Variants in PARP1 observed in about 807,000 individuals in gnomAD.
PARP1 encodes poly [ADP-ribose] polymerase 1.
Under a neutral mutation model 118.7 loss-of-function variants are expected in PARP1, and 44 were observed. The observed-to-expected ratio is 0.37, with a 90% confidence interval of 0.29 to 0.48. PARP1 has a LOEUF of 0.48. PARP1 is among the 20% of genes least tolerant of loss of function. The pLI is 0.99. For synonymous variants in PARP1, 492 were observed against 483.2 expected (o/e 1.02, Z -0.24); for missense variants, 1,100 against 1,272.4 (o/e 0.86, Z 2.06).
At chr1:226,390,301 G>T in intron 4 of PARP1, 109 bp downstream of exon 4, 2 of 956,404 alleles carry the variant, frequency 2.1e-6, no homozygotes, top group Non-Finnish European at 1.7e-6. Context: ...CTGGCTTACT[G>T]ACAGTCAGCG....
intron 3 of PARP1, among the ~76,000 whole-genome samples, chr1:226,391,236 G>T (rs1390804163): frequency 6.6e-6 from 1 of 151,924 alleles, no homozygotes; most frequent in African/African-American, 2.4e-5. Context: ...ACCGTGCCCA[G>T]CCCCCAATGC....
intron 15 of PARP1, among the ~76,000 whole-genome samples, chr1:226,368,852 T>G (rs1411134906): frequency 6.6e-6 from 1 of 152,212 alleles, no homozygotes; most frequent in African/African-American, 2.4e-5. Flanking sequence ...TCACTGCCAG[T>G]GTCACTTGGT....
At chr1:226,401,654 C>T (rs1665039628) in intron 2 of PARP1, among the ~76,000 whole-genome samples, 2 of 152,188 alleles carry the variant, frequency 1.3e-5, no homozygotes, top group East Asian at 3.8e-4. Flanking sequence ...TACCTCATTC[C>T]CCTCTCAGAG....
chr1:226,394,880 C>T (rs909523129), intron 2 of PARP1, among the ~76,000 whole-genome samples: 3 of 152,188 alleles, frequency 2.0e-5, no homozygotes, highest in African/African-American at 7.2e-5. Flanking sequence ...TGAACTTCCT[C>T]ACCTGTAAAA....
chr1:226,401,470 G>C lies in PARP1; in HGVS notation c.286+744C>G, dbSNP rs1208705385. Among the ~76,000 whole-genome samples the C allele has an allele frequency of 4.6e-5, 7 of 152,236 alleles. No homozygotes were observed. The East Asian group carries it at 1.3e-3, about 29-fold the overall frequency. Reference sequence around the variant, plus strand: ...TGCAGACATGTTAAGAAACGGGGTGGTAACTTTTAGGTCATCAGATTGTTG... The same window carrying C: ...TGCAGACATGTTAAGAAACGGGGTGCTAACTTTTAGGTCATCAGATTGTTG... On this transcript the variant is annotated intron_variant, in intron 2 of 22. Coordinates refer to ENST00000366794, the MANE Select transcript of PARP1 (RefSeq NM_001618.4).
rs769689858 is a variant in PARP1 at position 226,386,328 on chromosome 1, C to A, written c.832G>T (p.Ala278Ser). The stretch of plus-strand genomic sequence containing the variant: ...CACTTAACACAAAGGCAGCTCACCG[C>A]CGACTCCCCAGAAGGCACTTGCTGC... ...NKQQVPSGES[A>S]ILDRVADGMV... The change falls in exon 6 of 23, where the codon GCG becomes TCG. Residue 278 changes from alanine to serine, a missense_variant and splice_region_variant. By Grantham distance (99) the Ala-to-Ser change is moderately conservative. Transcript: ENST00000366794. 3.1e-6 allele frequency: 5 copies of A among 1,598,296 alleles called. No homozygotes were observed. The highest frequency in any genetic ancestry group is 1.7e-4 in the Middle Eastern group (1 of 6,018).
In PARP1 at chr1:226,374,146, C is replaced by T. The variant is rs554003556; in HGVS notation, c.2070+80G>A. On this transcript the variant is annotated intron_variant, in intron 14 of 22. Coordinates refer to ENST00000366794, the MANE Select transcript of PARP1 (RefSeq NM_001618.4). ...ATTGTTTTTGAAACAGAAACAAGAA[C>T]AGGCAGACAGCTCTTCACTAGCTCA... The T allele has an allele frequency of 2.0e-6, 3 of 1,512,902 alleles. No individual in the cohort carries two copies. In the East Asian group the frequency reaches 6.8e-5, roughly 34 times the overall value. The allele number at this position is 1,512,902 out of a possible 1,614,324, so 93.7% of individuals were successfully genotyped here. A position where few individuals can be genotyped will look rare whatever the true frequency, so the allele number is the denominator to read the frequency against.
intron 2 of PARP1, among the ~76,000 whole-genome samples, chr1:226,398,939 T>A (rs1327796988): frequency 3.3e-5 from 5 of 152,136 alleles, no homozygotes; most frequent in African/African-American, 1.2e-4. Context: ...TTGTTCATAA[T>A]CACCAAAACT....
intron 1 of PARP1, among the ~76,000 whole-genome samples, chr1:226,405,266 T>C (rs1392197258): frequency 6.6e-6 from 1 of 152,160 alleles, no homozygotes; most frequent in Admixed American, 6.5e-5. Context: ...CTATCAAGTA[T>C]ACCAAAGGAA....
Position 226,365,148 on chromosome 1 carries a change from T to C in PARP1, c.2512A>G (p.Lys838Glu). Residue 838 changes from lysine (K) to glutamate (E), a missense_variant, in exon 19 of 23, where the codon AAG becomes GAG. Physicochemically the swap from Lys to Glu is moderately conservative, Grantham distance 56. Around this residue, in one of 2 missense-constraint regions of PARP1, gnomAD observed 152 missense variants for 240.6 expected, o/e 0.63. Coordinates refer to ENST00000366794, the MANE Select transcript of PARP1 (RefSeq NM_001618.4). ...TGGCATTCGCCTTCACGCTCTATCT[T>C]AAAGATCTGGTTGGAGTAGTAAACA... is the stretch of plus-strand genomic sequence containing the variant. ...AYDLEVIDIF[K>E]IEREGECQRY... The C allele has an allele frequency of 1.2e-6, 2 of 1,614,170 alleles. No homozygotes were observed. The highest frequency in any genetic ancestry group is 1.7e-6 in the Non-Finnish European group (2 of 1,180,032).
rs562220449 is a variant in PARP1, at chr1:226,379,459, A to G, written c.1612+114T>C. 5.3e-6 allele frequency: 6 copies of G among 1,137,110 alleles called. No homozygotes were observed. In the South Asian group the frequency reaches 7.5e-5, roughly 14 times the overall value. The allele number at this position is 1,137,110 out of a possible 1,614,324, so 70.4% of individuals were successfully genotyped here. ...TGGTGAAGGAGGCCTGAGTGAGGAC[A>G]AAGGCACGACCACACTGCCCCAGGT... On this transcript the variant is annotated intron_variant, in intron 11 of 22. Coordinates refer to ENST00000366794, the MANE Select transcript of PARP1 (RefSeq NM_001618.4).
intron 12 of PARP1, among the ~76,000 whole-genome samples, chr1:226,378,269 T>C (rs568513958): frequency 3.0e-4 from 45 of 152,170 alleles, no homozygotes; most frequent in African/African-American, 9.4e-4. Flanking sequence ...GTGGTGGCTG[T>C]ACTGAGGGGC....
At chr1:226,398,067 T>C (rs1664961357) in intron 2 of PARP1, among the ~76,000 whole-genome samples, 1 of 152,034 alleles carries the variant, frequency 6.6e-6, no homozygotes, top group South Asian at 2.1e-4. Flanking sequence ...CACAAAACTG[T>C]TAAACTTCTA....
intron 8 of PARP1, 94 bp downstream of exon 8, chr1:226,382,942 C>T (rs926717266): frequency 5.0e-6 from 7 of 1,406,002 alleles, no homozygotes; most frequent in Admixed American, 1.7e-5. Context: ...AGACCCTTGA[C>T]GGATACTTTC....
intron 2 of PARP1, among the ~76,000 whole-genome samples, chr1:226,395,578 G>A (rs1664898401): frequency 6.6e-6 from 1 of 152,054 alleles, no homozygotes; most frequent in South Asian, 2.1e-4. Flanking sequence ...CCAGGAGGTG[G>A]AGGTTGCAGT....
At chr1:226,379,795 C>T in intron 10 of PARP1, 127 bp downstream of exon 10, 1 of 1,489,966 alleles carries the variant, frequency 6.7e-7, no homozygotes, top group Middle Eastern at 2.4e-4. Flanking sequence ...GCCTGCCATT[C>T]TGTGTCCTGC....
chr1:226,385,718 G>A lies in PARP1; in HGVS notation c.835-38C>T, dbSNP rs764446885. 7.3e-5 allele frequency: 116 copies of A among 1,584,494 alleles called. 1 individual carries two copies. Among genetic ancestry groups the A allele is most frequent in the South Asian group, 4.8e-4 (43 of 90,436 alleles). On this transcript the variant is annotated intron_variant, in intron 6 of 22. Transcript: ENST00000366794. ...GAGAAACATGTCAGAGGGCAAATGC[G>A]GGACTACAAAAAAGGACACTTACTA...
chr1:226,370,828 A>C (rs1664369155), intron 14 of PARP1: 2 of 396,932 alleles, frequency 5.0e-6, no homozygotes, highest in East Asian at 1.1e-4. Context: ...ATTCCCATCC[A>C]ATTCTGATGT....
At chr1:226,368,348 C>CA (rs1664314436) in intron 15 of PARP1, 27 bp from the exon 16 acceptor site, 2 of 1,613,744 alleles carry the variant, frequency 1.2e-6, no homozygotes, top group Admixed American at 1.7e-5. Context: ...AGAAGGAATG[C>CA]AAGACTGAGG....
Sources: allele counts gnomAD v4.1 joint callset (sites outside exome capture counted in the v4.1 genomes callset), GRCh38; gene constraint gnomAD v4.1.1; regional missense constraint gnomAD v4.1.1; transcripts MANE v1.5; gene names NCBI Gene and HGNC (gene_info 2026-07-23, HGNC 2026-07-21).